The following ANKS1B variants were observed in gnomAD, a reference collection of about 807,000 sequenced individuals.
ANKS1B encodes ankyrin repeat and sterile alpha motif domain containing 1B, also known as ankyrin repeat and sterile alpha motif domain-containing protein 1B.
ANKS1B carries 36 observed loss-of-function variants against 148.3 expected under a neutral mutation model. That is an observed-to-expected ratio of 0.24 (90% CI 0.19 to 0.32). The LOEUF (loss-of-function observed/expected upper bound fraction) is 0.32, where lower values mean the gene tolerates loss of function less well. Among genes scored for constraint, ANKS1B ranks in the 10% least tolerant of loss-of-function variants. ANKS1B has a pLI of 1.00. For missense variants in ANKS1B, 1,157 were observed against 1,542.6 expected (o/e 0.75, Z 4.19); for synonymous variants, 542 against 560.8 (o/e 0.97, Z 0.47).
At chr12:99,710,522 G>C (rs2056482965) in intron 8 of ANKS1B, among the ~76,000 whole-genome samples, 1 of 152,104 alleles carries the variant, frequency 6.6e-6, no homozygotes, top group African/African-American at 2.4e-5. Flanking sequence ...TTTTGTGGGG[G>C]AAATGAATTA....
At chr12:99,060,848 T>C (rs373391316) in intron 16 of ANKS1B, among the ~76,000 whole-genome samples, 4 of 151,248 alleles carry the variant, frequency 2.6e-5, no homozygotes, top group African/African-American at 9.7e-5. Flanking sequence ...TAAAAACAGG[T>C]AAAAAAAATA....
intron 8 of ANKS1B, among the ~76,000 whole-genome samples, chr12:99,735,788 G>A (rs2059557749): frequency 8.2e-6 from 1 of 121,702 alleles, no homozygotes; most frequent in South Asian, 2.7e-4. Context: ...TGATACTAAA[G>A]CCAGACAAGG....
At chr12:99,963,926 T>C (rs1201027749) in intron 1 of ANKS1B, among the ~76,000 whole-genome samples, 2 of 152,212 alleles carry the variant, frequency 1.3e-5, no homozygotes, top group Non-Finnish European at 2.9e-5. Context: ...AAACTCAACT[T>C]CTTCAGTGAA....
Position 99,487,961 on chromosome 12 carries a change from T to C in ANKS1B, c.1438+16515A>G, listed in dbSNP as rs575920532. Among the ~76,000 whole-genome samples, 4 of 152,324 alleles carry C rather than the reference T, an allele frequency of 2.6e-5. No homozygotes were observed. In the South Asian group the frequency reaches 6.2e-4, roughly 24 times the overall value. On this transcript the variant is annotated intron_variant, in intron 10 of 26. Transcript: ENST00000683438. ...TGTAGATTTCTGTTTCTCAAAATCCTATCAGTTTTGGCTTTTAATGTTTCA... is the reference window on the plus strand; with the variant it reads ...TGTAGATTTCTGTTTCTCAAAATCCCATCAGTTTTGGCTTTTAATGTTTCA...
chr12:98,781,952 C>T (rs1413505884), intron 23 of ANKS1B, among the ~76,000 whole-genome samples, 174 bp downstream of exon 23: 4 of 152,176 alleles, frequency 2.6e-5, no homozygotes, highest in African/African-American at 9.7e-5. Flanking sequence ...GCTGAATGTG[C>T]TTAGAGTTTG....
chr12:99,299,734 ATAGAT>A (rs2081360445), intron 12 of ANKS1B, among the ~76,000 whole-genome samples: 1 of 152,230 alleles, frequency 6.6e-6, no homozygotes, highest in African/African-American at 2.4e-5. Context: ...TATTTGGGAA[ATAGAT>A]TAATCAACTA....
intron 9 of ANKS1B, among the ~76,000 whole-genome samples, chr12:99,599,666 T>C (rs904325755): frequency 1.3e-5 from 2 of 152,116 alleles, no homozygotes; most frequent in East Asian, 3.9e-4. Context: ...AAATTTAGGA[T>C]AACTCCTAAA....
At chr12:99,193,218 T>A (rs1253218831) in intron 14 of ANKS1B, among the ~76,000 whole-genome samples, 1 of 151,998 alleles carries the variant, frequency 6.6e-6, no homozygotes, top group African/African-American at 2.4e-5. Flanking sequence ...TATGGCACTT[T>A]GGCAATTGAG....
At chr12:99,399,575 C>T (rs1180896814) in intron 12 of ANKS1B, 56 bp downstream of exon 12, 10 of 1,571,472 alleles carry the variant, frequency 6.4e-6, no homozygotes, top group South Asian at 4.6e-5. Context: ...TCCTCTAACT[C>T]ATAAATACTT....
At chr12:99,378,878 C>T (rs1017510977) in intron 12 of ANKS1B, among the ~76,000 whole-genome samples, 7 of 152,112 alleles carry the variant, frequency 4.6e-5, no homozygotes, top group Non-Finnish European at 7.3e-5. Context: ...TAGAACCAAA[C>T]CCTACTGACA....
At chr12:99,444,817 T>C (rs1567113848) in intron 10 of ANKS1B, among the ~76,000 whole-genome samples, 1 of 152,036 alleles carries the variant, frequency 6.6e-6, no homozygotes, top group Non-Finnish European at 1.5e-5. Context: ...AGACTGAGAC[T>C]GAATTTTTTA....
intron 17 of ANKS1B, among the ~76,000 whole-genome samples, chr12:98,914,651 G>A (rs2099791684): frequency 6.6e-6 from 1 of 151,652 alleles, no homozygotes; most frequent in South Asian, 2.1e-4. Context: ...CTTCACTGTT[G>A]AGTGAACACT....
At chr12:99,471,757 T>C (rs978301963) in intron 10 of ANKS1B, among the ~76,000 whole-genome samples, 1 of 152,114 alleles carries the variant, frequency 6.6e-6, no homozygotes, top group African/African-American at 2.4e-5. Flanking sequence ...ATGTTGCTGC[T>C]ACTCTTCCAA....
intron 15 of ANKS1B, among the ~76,000 whole-genome samples, chr12:99,094,358 A>G (rs2055167462): frequency 6.6e-6 from 1 of 152,256 alleles, no homozygotes; most frequent in African/African-American, 2.4e-5. Flanking sequence ...TGATGTTAGT[A>G]TATACAATTA....
intron 3 of ANKS1B, among the ~76,000 whole-genome samples, chr12:99,809,127 T>C (rs1293896995): frequency 6.6e-6 from 1 of 152,174 alleles, no homozygotes; most frequent in Non-Finnish European, 1.5e-5. Context: ...TAATAATTCC[T>C]AGTATGGCTA....
chr12:99,742,362 C>A (rs1445537624), intron 8 of ANKS1B, among the ~76,000 whole-genome samples: 3 of 150,984 alleles, frequency 2.0e-5, no homozygotes, highest in Non-Finnish European at 4.4e-5. Context: ...GAAAGAAAAC[C>A]AAAGCAGAGT....
chr12:99,047,906 G>A (rs1437640801), intron 17 of ANKS1B, among the ~76,000 whole-genome samples: 1 of 152,192 alleles, frequency 6.6e-6, no homozygotes, highest in Non-Finnish European at 1.5e-5. Context: ...TGGCTTCAAG[G>A]GTGTGTGACC....
chr12:99,706,625 G>C (rs2055818611), intron 8 of ANKS1B: 2 of 152,032 alleles, frequency 1.3e-5, no homozygotes, highest in African/African-American at 2.4e-5. Flanking sequence ...CCTCTGGTTT[G>C]TTTCTAGCTA....
intron 17 of ANKS1B, among the ~76,000 whole-genome samples, chr12:98,996,799 C>G (rs2099929919): frequency 1.8e-5 from 2 of 109,914 alleles, no homozygotes; most frequent in Non-Finnish European, 3.3e-5. Flanking sequence ...GGTGACAGAG[C>G]GAGACTCTAT....
Sources: allele counts gnomAD v4.1 joint callset (sites outside exome capture counted in the v4.1 genomes callset), GRCh38; gene constraint gnomAD v4.1.1; transcripts MANE v1.5; gene names NCBI Gene and HGNC (gene_info 2026-07-23, HGNC 2026-07-21).